The following GLI2 variants were observed in gnomAD, a reference collection of about 807,000 sequenced individuals.
The protein encoded by GLI2 is GLI family zinc finger 2, also known as transcription activator GLI2.
Under a neutral mutation model 78.9 loss-of-function variants are expected in GLI2, and 22 were observed. That is an observed-to-expected ratio of 0.28 (90% confidence interval 0.20 to 0.40). The LOEUF (loss-of-function observed/expected upper bound fraction) is 0.40. Ranked by LOEUF, GLI2 falls within the 10% of genes least tolerant of loss-of-function variation. The pLI is 1.00. For missense variants in GLI2, 2,097 were observed against 2,213.2 expected (o/e 0.95, Z 1.05); for synonymous variants, 974 against 963.7 (o/e 1.01, Z -0.20).
At chr2:120,903,702 G>T (rs1558870668) in intron 2 of GLI2, among the ~76,000 whole-genome samples, 1 of 152,118 alleles carries the variant, frequency 6.6e-6, no homozygotes, top group Non-Finnish European at 1.5e-5. Context: ...CACTTGAGAT[G>T]CAGGGTGACC....
chr2:120,778,894 T>C (rs1321515927), intron 1 of GLI2, among the ~76,000 whole-genome samples: 1 of 152,132 alleles, frequency 6.6e-6, no homozygotes, highest in Non-Finnish European at 1.5e-5. Flanking sequence ...TAACCCTGGG[T>C]TGATTTGGTC....
intron 3 of GLI2, among the ~76,000 whole-genome samples, chr2:120,940,012 C>T (rs994998591): frequency 6.6e-6 from 1 of 152,180 alleles, no homozygotes; most frequent in Non-Finnish European, 1.5e-5. Context: ...TTCTGTTTCC[C>T]TTATTGCTAA....
intron 9 of GLI2, among the ~76,000 whole-genome samples, chr2:120,978,018 C>T (rs1427472205): frequency 2.0e-5 from 3 of 152,356 alleles, no homozygotes; most frequent in Non-Finnish European, 2.9e-5. Context: ...TGCCTCGCTG[C>T]GGTTAGTGCC....
rs1244856449 is a variant in GLI2, at chr2:120,968,728, A to C, written c.658A>C (p.Ser220Arg). ...CTATCCCACAGTGTCCCGTTTCTCCAGCCCGCGGGTGACGCCCCGCCTGAG... is the reference window on the plus strand; with the variant it reads ...CTATCCCACAGTGTCCCGTTTCTCCCGCCCGCGGGTGACGCCCCGCCTGAG... ...LNPVDVSRFS[S>R]PRVTPRLSRK... Residue 220 changes from serine to arginine, a missense_variant, in exon 6 of 14, where the codon AGC (serine) becomes CGC (arginine). By Grantham distance (110) the Ser-to-Arg change is moderately radical (BLOSUM62 -1). Transcript: ENST00000361492. 1 of 1,609,408 alleles carries C rather than the reference A, an allele frequency of 6.2e-7. No individual in the cohort carries two copies. Among genetic ancestry groups the C allele is most frequent in the Non-Finnish European group, 8.5e-7 (1 of 1,178,866 alleles).
At chr2:120,740,731 C>T (rs1346413743) in intron 1 of GLI2, among the ~76,000 whole-genome samples, 1 of 152,222 alleles carries the variant, frequency 6.6e-6, no homozygotes, top group Non-Finnish European at 1.5e-5. Context: ...GTTTTCTTCT[C>T]TACAAATCTG....
Position 120,990,135 on chromosome 2 carries a change from G to A in GLI2, c.4170G>A (p.Pro1390=), listed in dbSNP as rs200149538. ...CAGGCCATGCCATGGCTGCCATGCC[G>A]TCCAGTCAGGAAACAGCAGAGGCTG... ...RATGHAMAAM[P]SSQETAEAVP... is the part of the protein sequence containing the mutation. The change falls in exon 14 of 14, where the codon CCG becomes CCA. Residue 1390 remains proline (P), a synonymous_variant. Coordinates refer to ENST00000361492, the MANE Select transcript of GLI2 (RefSeq NM_001374353.1). 1.1e-4 allele frequency: 171 copies of A among 1,607,328 alleles called. 1 individual carries two copies. The East Asian group carries it at 1.2e-3, about 11-fold the overall frequency.
intron 2 of GLI2, among the ~76,000 whole-genome samples, chr2:120,881,680 TG>T (rs1314267407): frequency 0.026 from 527 of 20,330 alleles, no homozygotes; most frequent in Non-Finnish European, 0.035. Context: ...GGACGGCAGG[TG>T]GGGGGAGGAT....
At chr2:120,987,441 G>A (rs574286872) in intron 13 of GLI2, among the ~76,000 whole-genome samples, 1 of 152,316 alleles carries the variant, frequency 6.6e-6, no homozygotes, top group East Asian at 1.9e-4. Context: ...CACTGCAGGA[G>A]TGTAAAGGCC....
At chr2:120,873,542 C>CTG (rs1333712662) in intron 2 of GLI2, among the ~76,000 whole-genome samples, 7 of 152,186 alleles carry the variant, frequency 4.6e-5, no homozygotes, top group Admixed American at 4.6e-4. Flanking sequence ...CCCACAGTGT[C>CTG]TATTCAAGAG....
rs1286200527 is a variant in GLI2 at position 120,835,152 on chromosome 2, G to C, written c.148+37684G>C. Among the ~76,000 whole-genome samples the C allele has an allele frequency of 4.6e-5, 7 of 152,190 alleles. No homozygotes were observed. The East Asian group carries it at 1.3e-3, about 29-fold the overall frequency. On this transcript the variant is annotated intron_variant, in intron 2 of 13. Coordinates refer to ENST00000361492, the MANE Select transcript of GLI2 (RefSeq NM_001374353.1). ...GAAGACCAGGATTTGGGGGTGGTAT[G>C]GGTGGAGCCAATGGTCTTTTAGTGG...
intron 3 of GLI2, among the ~76,000 whole-genome samples, chr2:120,928,716 C>T (rs528171646): frequency 9.2e-5 from 14 of 152,332 alleles, no homozygotes; most frequent in South Asian, 4.1e-4. Flanking sequence ...CTCCCCAAGA[C>T]GGAGCAAACC....
intron 3 of GLI2, among the ~76,000 whole-genome samples, chr2:120,948,864 C>T (rs1226291165): frequency 6.6e-6 from 1 of 152,190 alleles, no homozygotes; most frequent in African/African-American, 2.4e-5. Flanking sequence ...ATCCTGCAGG[C>T]TCTGGGAACC....
chr2:120,941,747 T>C (rs1680457434), intron 3 of GLI2, among the ~76,000 whole-genome samples: 1 of 152,198 alleles, frequency 6.6e-6, no homozygotes, highest in South Asian at 2.1e-4. Context: ...GACCCACCCA[T>C]GGCCCTGTGA....
At chr2:120,770,928 C>T (rs1025935211) in intron 1 of GLI2, among the ~76,000 whole-genome samples, 3 of 152,192 alleles carry the variant, frequency 2.0e-5, no homozygotes, top group African/African-American at 7.2e-5. Context: ...ACCTGCCGAG[C>T]CTGAGTTAAC....
At chr2:120,928,568 G>T (rs145361331) in intron 3 of GLI2, among the ~76,000 whole-genome samples, 1 of 152,028 alleles carries the variant, frequency 6.6e-6, no homozygotes, top group Non-Finnish European at 1.5e-5. Context: ...GCCTCTCCCC[G>T]CCTGCCGCCA....
At chr2:120,898,215 C>CACACACA (rs1447294546) in intron 2 of GLI2, among the ~76,000 whole-genome samples, 1 of 150,818 alleles carries the variant, frequency 6.6e-6, no homozygotes, top group Admixed American at 6.6e-5. Flanking sequence ...CACACACACA[C>CACACACA]AAAATGATTG....
intron 1 of GLI2, among the ~76,000 whole-genome samples, chr2:120,775,900 G>T (rs989736520): frequency 6.6e-6 from 1 of 152,188 alleles, no homozygotes; most frequent in Non-Finnish European, 1.5e-5. Context: ...CAGCAGACCC[G>T]GCCTTCCCCC....
chr2:120,755,040 C>T (rs886976476), intron 1 of GLI2, among the ~76,000 whole-genome samples: 4 of 152,058 alleles, frequency 2.6e-5, no homozygotes, highest in South Asian at 2.1e-4. Flanking sequence ...TTAGTAGAGA[C>T]GGGTTTCACC....
intron 2 of GLI2, among the ~76,000 whole-genome samples, chr2:120,881,487 G>A (rs1461709853): frequency 6.8e-6 from 1 of 147,404 alleles, no homozygotes; most frequent in Non-Finnish European, 1.5e-5. Context: ...ACAGTCGTGG[G>A]GAAGACAGTG....
Sources: allele counts gnomAD v4.1 joint callset (sites outside exome capture counted in the v4.1 genomes callset), GRCh38; gene constraint gnomAD v4.1.1; transcripts MANE v1.5; gene names NCBI Gene and HGNC (gene_info 2026-07-23, HGNC 2026-07-21).